SLC35F4: variants seen among roughly 807,000 people sequenced by gnomAD.
SLC35F4 encodes the protein chromosome 14 open reading frame 36.
A neutral mutation model predicts 44.2 loss-of-function variants in SLC35F4; 24 were observed. The observed-to-expected ratio is 0.54, with a 90% CI of 0.39 to 0.76. SLC35F4 has a LOEUF of 0.76. SLC35F4 is among the 30% of genes least tolerant of loss of function. The pLI, the probability that SLC35F4 is intolerant of heterozygous loss-of-function variation, is 0.00. For synonymous variants in SLC35F4, 238 were observed against 223.6 expected (o/e 1.06, Z -0.57); for missense variants, 562 against 586.1 (o/e 0.96, Z 0.42).
intron 1 of SLC35F4, among the ~76,000 whole-genome samples, chr14:57,957,744 A>C (rs1890265122): frequency 5.3e-5 from 8 of 152,192 alleles, no homozygotes; most frequent in Admixed American, 5.2e-4. Flanking sequence ...ATGTGGCTTG[A>C]ATACCAATTC....
intron 1 of SLC35F4, among the ~76,000 whole-genome samples, chr14:57,906,315 C>T (rs1313653397): frequency 2.0e-5 from 3 of 152,184 alleles, no homozygotes; most frequent in Non-Finnish European, 4.4e-5. Context: ...ATGTATAAGA[C>T]TGGCCTGCAT....
chr14:57,720,743 G>A (rs2076063457), intron 1 of SLC35F4, among the ~76,000 whole-genome samples: 3 of 151,802 alleles, frequency 2.0e-5, no homozygotes, highest in African/African-American at 7.3e-5. Flanking sequence ...AATCTGGATG[G>A]GTACCATCTA....
chr14:57,971,819 C>T (rs139990993), downstream of SLC35F4, among the ~76,000 whole-genome samples: 3 of 152,270 alleles, frequency 2.0e-5, no homozygotes, highest in East Asian at 3.9e-4. Flanking sequence ...CTAATGTGAG[C>T]ATGGTGACTA....
intron 1 of SLC35F4, among the ~76,000 whole-genome samples, chr14:57,933,427 G>A (rs765447878): frequency 6.6e-6 from 1 of 152,118 alleles, no homozygotes; most frequent in Non-Finnish European, 1.5e-5. Flanking sequence ...AAGCCCATAC[G>A]CTATGTGATG....
chr14:57,621,190 A>C (rs1269969602), intron 1 of SLC35F4, among the ~76,000 whole-genome samples: 1 of 151,426 alleles, frequency 6.6e-6, no homozygotes, highest in Non-Finnish European at 1.5e-5. Flanking sequence ...ATGGAAGAAC[A>C]TTCCATGCTC....
chr14:57,574,062 C>A (rs578078720), intron 4 of SLC35F4, among the ~76,000 whole-genome samples: 50 of 151,998 alleles, frequency 3.3e-4, no homozygotes, highest in Middle Eastern at 3.4e-3. Context: ...ATTGTGAAAA[C>A]CAATTAAAAA....
chr14:57,628,794 C>A (rs1396790077), intron 1 of SLC35F4, among the ~76,000 whole-genome samples: 1 of 152,046 alleles, frequency 6.6e-6, no homozygotes, highest in Non-Finnish European at 1.5e-5. Flanking sequence ...GTAAATAAGT[C>A]AAATCAAAGC....
intron 1 of SLC35F4, among the ~76,000 whole-genome samples, chr14:57,861,033 C>G (rs1042180396): frequency 2.0e-5 from 3 of 152,216 alleles, no homozygotes; most frequent in African/African-American, 7.2e-5. Context: ...AATGAGCCAA[C>G]CTACTGGCTG....
At position 57,615,697 on chromosome 14, in the gene SLC35F4, G is replaced by T. The variant is rs532145380; in HGVS notation, c.104-21573C>A. 2.0e-5 allele frequency among the ~76,000 whole-genome samples: 3 copies of T among 152,178 alleles called. No homozygotes were observed. In the South Asian group the frequency reaches 6.2e-4, roughly 32 times the overall value. ...GTATTTTTAAGAGAAATTTCAGTAGGTTATGTGATAAATTAAACTTATGTA... is the reference window on the plus strand; with the variant it reads ...GTATTTTTAAGAGAAATTTCAGTAGTTTATGTGATAAATTAAACTTATGTA... On this transcript the variant is annotated intron_variant, in intron 1 of 7. Transcript: ENST00000556826.
intron 1 of SLC35F4, among the ~76,000 whole-genome samples, chr14:57,604,938 C>T (rs938700335): frequency 6.6e-6 from 1 of 152,118 alleles, no homozygotes; most frequent in Non-Finnish European, 1.5e-5. Flanking sequence ...ATACCTATCA[C>T]CATATACAAA....
intron 1 of SLC35F4, among the ~76,000 whole-genome samples, chr14:57,762,605 A>G (rs1177382769): frequency 6.6e-6 from 1 of 152,186 alleles, no homozygotes; most frequent in African/African-American, 2.4e-5. Context: ...GGGAACTTTA[A>G]GAAATGATTA....
At chr14:57,565,402 C>G (rs76291795) in intron 7 of SLC35F4, among the ~76,000 whole-genome samples, 1 of 152,214 alleles carries the variant, frequency 6.6e-6, no homozygotes. Flanking sequence ...TATGCGCCCT[C>G]GCAGCATTCA....
At chr14:57,779,496 C>A (rs144097162) in intron 1 of SLC35F4, among the ~76,000 whole-genome samples, 134 of 151,900 alleles carry the variant, frequency 8.8e-4, no homozygotes, top group Non-Finnish European at 1.5e-3. Context: ...AATAAATGTA[C>A]CAGATGTACA....
chr14:57,794,423 G>A lies in SLC35F4; in HGVS notation c.103+71300C>T, dbSNP rs1011906026. Among the ~76,000 whole-genome samples the A allele has an allele frequency of 8.6e-5, 13 of 151,926 alleles. No individual in the cohort carries two copies. The East Asian group carries it at 2.3e-3, about 27-fold the overall frequency. Reference sequence around the variant, plus strand: ...TTTCTCACAAGAAGATATACAAATGGCCAACAAACATATGAAAAAATGTTC... The same window carrying A: ...TTTCTCACAAGAAGATATACAAATGACCAACAAACATATGAAAAAATGTTC... On this transcript the variant is annotated intron_variant, in intron 1 of 7. Coordinates refer to ENST00000556826, the MANE Select transcript of SLC35F4 (RefSeq NM_001306087.2).
chr14:57,639,311 A>G (rs903070872), intron 1 of SLC35F4, among the ~76,000 whole-genome samples: 1 of 152,070 alleles, frequency 6.6e-6, no homozygotes, highest in Non-Finnish European at 1.5e-5. Flanking sequence ...ACCACTTCTC[A>G]TCCTTCTTTT....
chr14:57,721,625 T>C (rs984020977), intron 1 of SLC35F4, among the ~76,000 whole-genome samples: 2 of 152,148 alleles, frequency 1.3e-5, no homozygotes, highest in Non-Finnish European at 2.9e-5. Flanking sequence ...AGGTGTCTAC[T>C]GTTAAAGTGA....
chr14:57,879,408 A>T (rs1183265945), intron 1 of SLC35F4, among the ~76,000 whole-genome samples: 2 of 151,952 alleles, frequency 1.3e-5, no homozygotes, highest in Non-Finnish European at 2.9e-5. Context: ...CTAAACCATC[A>T]AGCCTGAGCC....
chr14:57,705,633 G>T (rs1397904857), intron 1 of SLC35F4, among the ~76,000 whole-genome samples: 1 of 152,134 alleles, frequency 6.6e-6, no homozygotes, highest in Non-Finnish European at 1.5e-5. Flanking sequence ...CTTGCTCAGG[G>T]TTTGGGTATC....
At chr14:57,737,619 G>T (rs1021785440) in intron 1 of SLC35F4, among the ~76,000 whole-genome samples, 2 of 152,192 alleles carry the variant, frequency 1.3e-5, no homozygotes, top group African/African-American at 4.8e-5. Flanking sequence ...TCCAGTTTTA[G>T]AATACTCAGG....
Sources: allele counts gnomAD v4.1 joint callset (sites outside exome capture counted in the v4.1 genomes callset), GRCh38; gene constraint gnomAD v4.1.1; transcripts MANE v1.5; gene names NCBI Gene and HGNC (gene_info 2026-07-23, HGNC 2026-07-21).